SYNDIG1L: variants seen among roughly 807,000 people sequenced by gnomAD.
SYNDIG1L encodes the protein synapse differentiation inducing 1 like.
A neutral mutation model predicts 20.1 loss-of-function variants in SYNDIG1L; 13 were observed. The observed-to-expected ratio is 0.65, with a 90% CI of 0.42 to 1.03. The LOEUF is 1.03. SYNDIG1L is among the 50% of genes least tolerant of loss of function. The probability of loss-of-function intolerance (pLI) is 0.00; values close to 1 mark genes in which losing one functional copy is unlikely to be tolerated. For missense variants in SYNDIG1L, 294 were observed against 305.1 expected (o/e 0.96, Z 0.27); for synonymous variants, 128 against 129.3 (o/e 0.99, Z 0.07).
upstream of SYNDIG1L, among the ~76,000 whole-genome samples, chr14:74,429,674 A>G (rs2086289762): frequency 6.6e-6 from 1 of 152,262 alleles, no homozygotes. Context: ...ATTGTCTGGC[A>G]GAGGACAGGA....
intron 1 of SYNDIG1L, among the ~76,000 whole-genome samples, chr14:74,418,965 T>G (rs1207551328): frequency 6.6e-6 from 1 of 152,246 alleles, no homozygotes; most frequent in Non-Finnish European, 1.5e-5. Context: ...TGAAGTATAA[T>G]AAAATGTCTG....
intron 1 of SYNDIG1L, among the ~76,000 whole-genome samples, chr14:74,425,634 T>G (rs7161507): frequency 0.51 from 77,000 of 152,040 alleles, 19,780 homozygotes; most frequent in African/African-American, 0.6. Flanking sequence ...TTGCCGTCAG[T>G]AGGCAGGATG....
At chr14:74,449,624 G>A in the SYNDIG1L span, among the ~76,000 whole-genome samples, 51 of 139,010 alleles carry the variant, frequency 3.7e-4, no homozygotes, top group Non-Finnish European at 5.4e-4. Context: ...AAAAAAAAAA[G>A]AAAAAAGAAA....
chr14:74,408,519 G>A (rs146170029), intron 2 of SYNDIG1L, among the ~76,000 whole-genome samples: 3 of 146,452 alleles, frequency 2.0e-5, no homozygotes, highest in South Asian at 2.1e-4. Context: ...AGCTGAGATC[G>A]CACCTTTGCA....
chr14:74,466,426 A>G, the SYNDIG1L span, among the ~76,000 whole-genome samples: 1 of 152,196 alleles, frequency 6.6e-6, no homozygotes, highest in Non-Finnish European at 1.5e-5. Context: ...AACAGGGCCA[A>G]TTGGTCCATT....
At chr14:74,453,470 C>A in the SYNDIG1L span, among the ~76,000 whole-genome samples, 1 of 143,406 alleles carries the variant, frequency 7.0e-6, no homozygotes, top group Non-Finnish European at 1.5e-5. Flanking sequence ...GGAGACTTTA[C>A]AAAGGAGCAT....
At chr14:74,442,117 C>A in the SYNDIG1L span, among the ~76,000 whole-genome samples, 1 of 148,674 alleles carries the variant, frequency 6.7e-6, no homozygotes, top group African/African-American at 2.5e-5. Context: ...AAAATAGTAC[C>A]TTTTTTTTTT....
Position 74,425,899 on chromosome 14 carries a change from G to C in SYNDIG1L, c.-58+13C>G, listed in dbSNP as rs1268710097. 1 of 152,182 alleles carries C rather than the reference G, an allele frequency of 6.6e-6. No homozygotes were observed. The highest frequency in any genetic ancestry group is 1.5e-5 in the Non-Finnish European group (1 of 68,130). The allele number at this position is 152,182 out of a possible 1,614,324, so 9.4% of individuals were successfully genotyped here. On this transcript the variant is annotated intron_variant, in intron 1 of 3. Coordinates refer to ENST00000331628, the MANE Select transcript of SYNDIG1L (RefSeq NM_001105579.2). ...GCTCTGCGCTCCCGCGGCGCCCCCA[G>C]ACCGCCCCTTACCTGTCCCGCCGCG...
chr14:74,409,365 T>C lies in SYNDIG1L; in HGVS notation c.380A>G (p.Glu127Gly), dbSNP rs780902272. The C allele has an allele frequency of 2.5e-6, 4 of 1,582,188 alleles. No homozygotes were observed. The highest frequency in any genetic ancestry group is 3.4e-6 in the Non-Finnish European group (4 of 1,164,142). ...CTGGTCATCCTCCTGGTCCCGCAGC[T>C]CCTCTTGTACCCCATAGGACACAGT... ...IQTVSYGVQE[E>G]LRDQEDDQEE... The change falls in exon 2 of 4, where the codon GAG becomes GGG. Residue 127 changes from glutamate to glycine, a missense_variant. By Grantham distance (98) the Glu-to-Gly change is moderately conservative (BLOSUM62 -2). Coordinates refer to ENST00000331628, the MANE Select transcript of SYNDIG1L (RefSeq NM_001105579.2).
chr14:74,468,346 G>T, the SYNDIG1L span, among the ~76,000 whole-genome samples: 14 of 152,232 alleles, frequency 9.2e-5, no homozygotes, highest in South Asian at 2.1e-4. Flanking sequence ...GGGGTCTAGC[G>T]GCCTGCTCTT....
At position 74,407,470 on chromosome 14, in the gene SYNDIG1L, G is replaced by C; in HGVS notation, c.*65C>G. 1.2e-6 allele frequency: 2 copies of C among 1,601,286 alleles called. No individual in the cohort carries two copies. The highest frequency in any genetic ancestry group is 1.7e-6 in the Non-Finnish European group (2 of 1,175,642). ...GGGGCCGGGCCTTTCCATAGGGTCT[G>C]CAACTCCAAGCCCCACTGCTTCCTC... On this transcript the variant is annotated 3_prime_UTR_variant, in exon 4 of 4. Transcript: ENST00000331628.
At chr14:74,477,118 A>AACACACACACACAC in the SYNDIG1L span, among the ~76,000 whole-genome samples, 4 of 83,146 alleles carry the variant, frequency 4.8e-5, no homozygotes, top group South Asian at 4.3e-4. Context: ...CCCCATTCCC[A>AACACACACACACAC]ACACACACAC....
At chr14:74,433,834 C>T in the SYNDIG1L span, among the ~76,000 whole-genome samples, 1 of 152,158 alleles carries the variant, frequency 6.6e-6, no homozygotes, top group Non-Finnish European at 1.5e-5. Context: ...GGCTTCAAGG[C>T]CTCACTCTTA....
chr14:74,480,021 T>TA, the SYNDIG1L span: 4,916 of 1,356,294 alleles, frequency 3.6e-3, 2 homozygotes, highest in African/African-American at 9.0e-3. Flanking sequence ...TTAATGTTGT[T>TA]AAAAAAAAAA....
chr14:74,414,128 C>T (rs927889487), intron 1 of SYNDIG1L, among the ~76,000 whole-genome samples: 3 of 152,158 alleles, frequency 2.0e-5, no homozygotes, highest in Non-Finnish European at 4.4e-5. Flanking sequence ...TCATCACCAC[C>T]GTTGTGGTTT....
chr14:74,422,643 ATC>A (rs1309726582), intron 1 of SYNDIG1L, among the ~76,000 whole-genome samples: 1 of 141,818 alleles, frequency 7.1e-6, no homozygotes, highest in Non-Finnish European at 1.5e-5. Flanking sequence ...CAACATTTTA[ATC>A]TCTCTCTTCA....
At chr14:74,424,805 C>A (rs1039612538) in intron 1 of SYNDIG1L, among the ~76,000 whole-genome samples, 1 of 152,138 alleles carries the variant, frequency 6.6e-6, no homozygotes, top group Non-Finnish European at 1.5e-5. Flanking sequence ...AGGTGGCAAG[C>A]CTCCAATCAG....
the SYNDIG1L span, among the ~76,000 whole-genome samples, chr14:74,464,275 C>G: frequency 2.6e-5 from 4 of 152,110 alleles, no homozygotes; most frequent in South Asian, 2.1e-4. Flanking sequence ...TTCAGGAAGC[C>G]CTCCCTGATG....
chr14:74,411,501 G>C (rs758237), intron 1 of SYNDIG1L, among the ~76,000 whole-genome samples: 65,954 of 152,018 alleles, frequency 0.43, 14,806 homozygotes, highest in Non-Finnish European at 0.5. Context: ...CAGCCCCCAT[G>C]AGAATCCACA....
Sources: allele counts gnomAD v4.1 joint callset (sites outside exome capture counted in the v4.1 genomes callset), GRCh38; gene constraint gnomAD v4.1.1; transcripts MANE v1.5; gene names NCBI Gene and HGNC (gene_info 2026-07-23, HGNC 2026-07-21).